ERI3: variants seen among roughly 807,000 people sequenced by gnomAD.
ERI3 encodes the protein ERI1 exoribonuclease 3.
A neutral mutation model predicts 44.4 loss-of-function variants in ERI3; 18 were observed. The observed-to-expected ratio is 0.41, with a 90% CI of 0.28 to 0.60. ERI3 has a LOEUF of 0.60. ERI3 is among the 20% of genes least tolerant of loss of function. The pLI is 0.36. For synonymous variants in ERI3, 183 were observed against 164.8 expected (o/e 1.11, Z -0.84); for missense variants, 294 against 435.5 (o/e 0.68, Z 2.89).
chr1:44,290,487 C>G (rs1450572938), intron 6 of ERI3, among the ~76,000 whole-genome samples: 3 of 152,208 alleles, frequency 2.0e-5, no homozygotes, highest in Non-Finnish European at 4.4e-5. Context: ...GGCCCTGCAG[C>G]TCATAACTGC....
rs542132109 is a variant in ERI3, at chr1:44,355,237, G to C, written c.-211C>G. On this transcript the variant is annotated 5_prime_UTR_variant, in exon 1 of 9. Coordinates refer to ENST00000372257, the MANE Select transcript of ERI3 (RefSeq NM_024066.3). Reference sequence around the variant, plus strand: ...CCTGAACAGCGGCAGCCAGCACCACGAGTCCACAACACACCGACTCACCTC... The same window carrying C: ...CCTGAACAGCGGCAGCCAGCACCACCAGTCCACAACACACCGACTCACCTC... 26 of 1,180,566 alleles carry C rather than the reference G, an allele frequency of 2.2e-5. No individual in the cohort carries two copies. The highest frequency in any genetic ancestry group is 6.8e-4 in the Middle Eastern group (2 of 2,948). The allele number at this position is 1,180,566 out of a possible 1,614,324, so 73.1% of individuals were successfully genotyped here. A position where few individuals can be genotyped will look rare whatever the true frequency, so the allele number is the denominator to read the frequency against.
intron 7 of ERI3, among the ~76,000 whole-genome samples, chr1:44,266,845 G>A (rs908042844): frequency 4.6e-5 from 7 of 152,214 alleles, no homozygotes; most frequent in South Asian, 2.1e-4. Flanking sequence ...AGTGCCTTAC[G>A]CAGGTTCTGT....
intron 7 of ERI3, among the ~76,000 whole-genome samples, chr1:44,281,924 G>GTGTA (rs1216745672): frequency 7.0e-6 from 1 of 142,580 alleles, no homozygotes; most frequent in Admixed American, 6.9e-5. Flanking sequence ...GTGTGTGTGT[G>GTGTA]TGTATGTATT....
At chr1:44,344,911 C>T (rs1646754021) in intron 2 of ERI3, among the ~76,000 whole-genome samples, 1 of 152,180 alleles carries the variant, frequency 6.6e-6, no homozygotes, top group Non-Finnish European at 1.5e-5. Flanking sequence ...AATGGGACTG[C>T]CACGGGGCCA....
intron 3 of ERI3, among the ~76,000 whole-genome samples, chr1:44,329,189 G>T (rs1646378852): frequency 6.6e-6 from 1 of 152,176 alleles, no homozygotes; most frequent in African/African-American, 2.4e-5. Flanking sequence ...ACAGACACAA[G>T]CCAGGAGCTT....
In ERI3 at chr1:44,284,906, G is replaced by T; in HGVS notation, c.760C>A (p.Leu254Ile). The change falls in exon 7 of 9, where the codon CTC (leucine) becomes ATC (isoleucine). Residue 254 changes from leucine (L) to isoleucine (I), a missense_variant and splice_region_variant. This residue lies in a region of ERI3 where 187 missense variants were observed against 338.6 expected (regional missense o/e 0.55). Coordinates refer to ENST00000372257, the MANE Select transcript of ERI3 (RefSeq NM_024066.3). ...TCGDWDLKVM[L>I]PGQCQYLGLP... ...CCCAAGTACTGGCACTGGCCTGGGA[G>T]CCTACAAAAAAAAGGGAAGAGAGAA... 6.2e-7 allele frequency: 1 copy of T among 1,613,608 alleles called. No individual in the cohort carries two copies.
At chr1:44,288,243 G>C (rs1572194130) in intron 6 of ERI3, among the ~76,000 whole-genome samples, 1 of 152,126 alleles carries the variant, frequency 6.6e-6, no homozygotes, top group East Asian at 1.9e-4. Context: ...TGCACATGGG[G>C]GTTAGGCACT....
intron 7 of ERI3, among the ~76,000 whole-genome samples, chr1:44,248,702 A>AGAGT (rs1553183708): frequency 2.7e-5 from 4 of 148,380 alleles, no homozygotes; most frequent in South Asian, 2.1e-4. Context: ...TGTGAGAGAG[A>AGAGT]GTGTGTGTGT....
At chr1:44,307,643 G>A (rs1279838384) in intron 6 of ERI3, among the ~76,000 whole-genome samples, 1 of 152,152 alleles carries the variant, frequency 6.6e-6, no homozygotes, top group Non-Finnish European at 1.5e-5. Context: ...CCATAACCGG[G>A]ACAGGATCAG....
Position 44,336,217 on chromosome 1 carries a change from A to T in ERI3, c.489+2828T>A, listed in dbSNP as rs1017696045. On this transcript the variant is annotated intron_variant, in intron 3 of 8. Coordinates refer to ENST00000372257, the MANE Select transcript of ERI3 (RefSeq NM_024066.3). ...TCTAATAAGAACCGGACCTATGTTG[A>T]CCTCAATGGAAGGATGCTATTCTAT... Among the ~76,000 whole-genome samples, 7 of 152,136 alleles carry T rather than the reference A, an allele frequency of 4.6e-5. No homozygotes were observed. In the South Asian group the frequency reaches 1.0e-3, roughly 22 times the overall value.
intron 8 of ERI3, among the ~76,000 whole-genome samples, chr1:44,223,288 T>C (rs1346580449): frequency 3.9e-5 from 6 of 152,028 alleles, no homozygotes; most frequent in South Asian, 2.1e-4. Context: ...TTGTCTCTCT[T>C]AGTGTGTGTG....
intron 3 of ERI3, among the ~76,000 whole-genome samples, chr1:44,336,977 T>A (rs552115549): frequency 2.2e-4 from 33 of 152,338 alleles, no homozygotes; most frequent in African/African-American, 7.7e-4. Flanking sequence ...TGATACAAGC[T>A]GTTTAAATCT....
chr1:44,292,919 C>T (rs879472293), intron 6 of ERI3, among the ~76,000 whole-genome samples: 2 of 152,200 alleles, frequency 1.3e-5, no homozygotes, highest in Non-Finnish European at 2.9e-5. Context: ...TGTCATGGTA[C>T]AAGAAGTCTA....
intron 3 of ERI3, among the ~76,000 whole-genome samples, chr1:44,334,043 C>T (rs1001550624): frequency 3.3e-5 from 5 of 152,214 alleles, no homozygotes; most frequent in Non-Finnish European, 7.3e-5. Context: ...GGCAAACAGT[C>T]AGTAGGGCTG....
intron 4 of ERI3, among the ~76,000 whole-genome samples, chr1:44,319,397 G>A (rs1186845532): frequency 6.6e-6 from 1 of 152,250 alleles, no homozygotes; most frequent in Admixed American, 6.5e-5. Flanking sequence ...CACCAGGAAG[G>A]GATGCTGGGG....
At chr1:44,234,919 T>C (rs890241151) in intron 8 of ERI3, among the ~76,000 whole-genome samples, 1 of 152,084 alleles carries the variant, frequency 6.6e-6, no homozygotes, top group Non-Finnish European at 1.5e-5. Context: ...AAGAGGCCCT[T>C]TAATGTAGCA....
At chr1:44,348,285 T>C (rs1441274527) in intron 2 of ERI3, among the ~76,000 whole-genome samples, 1 of 152,100 alleles carries the variant, frequency 6.6e-6, no homozygotes, top group African/African-American at 2.4e-5. Context: ...ATTGCCTTGG[T>C]GCCGGAATAC....
chr1:44,303,982 C>A (rs890035841), intron 6 of ERI3, among the ~76,000 whole-genome samples: 1 of 152,090 alleles, frequency 6.6e-6, no homozygotes, highest in Admixed American at 6.5e-5. Context: ...GCAGAAGCAA[C>A]AGGATTTGGC....
intron 7 of ERI3, among the ~76,000 whole-genome samples, chr1:44,254,819 T>C: frequency 6.6e-6 from 1 of 151,658 alleles, no homozygotes; most frequent in East Asian, 1.9e-4. Context: ...ACACTACGCT[T>C]CTTGTCTAAG....
Sources: gnomAD v4.1 joint callset for allele counts (sites outside exome capture counted in the v4.1 genomes callset) on GRCh38, gnomAD v4.1.1 for gene constraint, gnomAD v4.1.1 regional missense constraint, MANE v1.5 for transcripts, NCBI Gene and HGNC (gene_info 2026-07-23, HGNC 2026-07-21) for gene names.